TMEM67: variants seen among roughly 807,000 people sequenced by gnomAD.
TMEM67 encodes transmembrane protein 67.
Under a neutral mutation model 136.6 loss-of-function variants are expected in TMEM67, and 124 were observed. That is an observed-to-expected ratio of 0.91 (90% CI 0.78 to 1.05). The LOEUF is 1.05. TMEM67 is among the 50% of genes least tolerant of loss of function. The pLI is 0.00. For missense variants in TMEM67, 1,107 were observed against 1,178.4 expected (o/e 0.94, Z 0.89); for synonymous variants, 364 against 390.5 (o/e 0.93, Z 0.80).
At chr8:93,755,751 C>CTTTTTTTTTTTTTTTTTTTTTTTTTTTGT in intron 1 of TMEM67, 27 bp from the exon 2 acceptor site, 2 of 632,468 alleles carry the variant, frequency 3.2e-6, no homozygotes, top group South Asian at 4.4e-5. Flanking sequence ...ATAAAATTGG[C>CTTTTTTTTTTTTTTTTTTTTTTTTTTTGT]TTTTTTTTTT....
Position 93,790,843 on chromosome 8 carries a change from T to C in TMEM67, c.1519-420T>C, listed in dbSNP as rs572275364. On this transcript the variant is annotated intron_variant, in intron 14 of 27. Transcript: ENST00000453321. ...TCTTCTCTGACCCTTTACTAGGTTC[T>C]TCTTTCTCTTGTCTCTTAATGTAGT... Among the ~76,000 whole-genome samples, 126 of 152,328 alleles carry C rather than the reference T, an allele frequency of 8.3e-4. No homozygotes were observed. In the South Asian group the frequency reaches 8.7e-3, roughly 11 times the overall value.
At chr8:93,773,598 A>G (rs1813413871) in intron 7 of TMEM67, among the ~76,000 whole-genome samples, 1 of 152,248 alleles carries the variant, frequency 6.6e-6, no homozygotes, top group Non-Finnish European at 1.5e-5. Context: ...TGAGCTGGAT[A>G]AGGGGCAAGA....
At chr8:93,826,680 TC>T in the TMEM67 span, among the ~76,000 whole-genome samples, 1 of 152,206 alleles carries the variant, frequency 6.6e-6, no homozygotes, top group Non-Finnish European at 1.5e-5. Context: ...GATCTCTAAG[TC>T]CTCTTCTTTC....
chr8:93,830,005 G>C, the TMEM67 span, among the ~76,000 whole-genome samples: 1 of 152,144 alleles, frequency 6.6e-6, no homozygotes, highest in African/African-American at 2.4e-5. Context: ...CATTTCAGAA[G>C]GGGTCCTGCC....
chr8:93,789,665 TA>T lies in TMEM67; in HGVS notation c.1519-1597del, dbSNP rs1317740832. Among the ~76,000 whole-genome samples the T allele has an allele frequency of 9.2e-3, 276 of 29,878 alleles. 1 individual carries two copies. In the East Asian group the frequency reaches 0.11, roughly 12 times the overall value. 19.6% of individuals were successfully genotyped at this position (29,878 alleles called of 152,430 possible). On this transcript the variant is annotated intron_variant, in intron 14 of 27. Coordinates refer to ENST00000453321, the MANE Select transcript of TMEM67 (RefSeq NM_153704.6). ...TGTCTCAAAAAAATATATATATATA[TA>T]TATATTTTTTTTTTAATGTAAAACA...
intron 3 of TMEM67, among the ~76,000 whole-genome samples, chr8:93,763,386 AC>A (rs1812935416): frequency 6.6e-6 from 1 of 152,224 alleles, no homozygotes; most frequent in Non-Finnish European, 1.5e-5. Flanking sequence ...GTATCTAAAA[AC>A]AAAATTGTGG....
chr8:93,816,319 A>C, intron 27 of TMEM67, 53 bp from the exon 28 acceptor site: 1 of 836,736 alleles, frequency 1.2e-6, no homozygotes, highest in South Asian at 1.7e-5. Flanking sequence ...ATCGACGTGC[A>C]TATTTAATTC....
chr8:93,809,864 T>A lies in TMEM67; in HGVS notation c.2741T>A (p.Met914Lys). 1.2e-6 allele frequency: 2 copies of A among 1,606,832 alleles called. No individual in the cohort carries two copies. The highest frequency in any genetic ancestry group is 2.2e-5 in the South Asian group (2 of 90,652). ...RILGMEFMEP[M>K]EKSIFYNDEG... ...CTTGGAATGGAATTCATGGAACCAA[T>A]GGAAAAAAGCATCTTTTACAATGGT... is the stretch of plus-strand genomic sequence containing the variant. Residue 914 changes from methionine (M) to lysine (K), a missense_variant, in exon 26 of 28, where the codon ATG (methionine) becomes AAG (lysine). Coordinates refer to ENST00000453321, the MANE Select transcript of TMEM67 (RefSeq NM_153704.6).
chr8:93,781,462 T>C (rs1461666619), intron 9 of TMEM67, among the ~76,000 whole-genome samples, 196 bp from the exon 10 acceptor site: 1 of 152,098 alleles, frequency 6.6e-6, no homozygotes, highest in Non-Finnish European at 1.5e-5. Context: ...TCTAGAATAA[T>C]AATTTTCATG....
chr8:93,797,950 C>G (rs1252753859), intron 20 of TMEM67, among the ~76,000 whole-genome samples: 1 of 152,222 alleles, frequency 6.6e-6, no homozygotes, highest in Admixed American at 6.5e-5. Flanking sequence ...CCATTGAACT[C>G]CAGCCTGGGC....
chr8:93,781,047 A>G lies in TMEM67; in HGVS notation c.978+65A>G. On this transcript the variant is annotated intron_variant, in intron 9 of 27. Transcript: ENST00000453321. ...GATTTATAATTTTAAAAGGTAATAA[A>G]GTTACAATTCTTGCCTTTTTAGGTT... 7.1e-6 allele frequency: 8 copies of G among 1,131,196 alleles called. No individual in the cohort carries two copies. The Admixed American group carries it at 1.4e-4, about 20-fold the overall frequency. 70.1% of individuals were successfully genotyped at this position (1,131,196 alleles called of 1,614,324 possible).
chr8:93,793,674 C>T (rs1202392147), intron 16 of TMEM67, among the ~76,000 whole-genome samples: 2 of 152,056 alleles, frequency 1.3e-5, no homozygotes, highest in African/African-American at 4.8e-5. Context: ...TGTGAACTGC[C>T]TGTTTATATC....
chr8:93,831,862 C>T, the TMEM67 span, among the ~76,000 whole-genome samples: 1 of 152,178 alleles, frequency 6.6e-6, no homozygotes, highest in Non-Finnish European at 1.5e-5. Context: ...TACCACTTCA[C>T]CTTTCCTTCA....
intron 22 of TMEM67, 121 bp downstream of exon 22, chr8:93,803,805 G>C: frequency 1.5e-6 from 1 of 687,106 alleles, no homozygotes; most frequent in Non-Finnish European, 2.7e-6. Flanking sequence ...ATTTTCCACT[G>C]GTTGTTAATT....
intron 2 of TMEM67, chr8:93,756,734 G>A (rs1414874810): frequency 1.3e-5 from 2 of 152,136 alleles, no homozygotes; most frequent in African/African-American, 2.4e-5. Context: ...TGGTCTCGCA[G>A]CAGATTTCTT....
intron 23 of TMEM67, among the ~76,000 whole-genome samples, chr8:93,805,946 G>C (rs74465316): frequency 0.021 from 3,139 of 152,210 alleles, 99 homozygotes; most frequent in African/African-American, 0.071. Context: ...TGATGCAGTA[G>C]GAAGTATATA....
intron 6 of TMEM67, among the ~76,000 whole-genome samples, chr8:93,770,440 CT>C (rs973783106): frequency 1.3e-5 from 2 of 152,086 alleles, no homozygotes; most frequent in African/African-American, 4.8e-5. Flanking sequence ...CAAAAATGTT[CT>C]TTATTCTCCC....
At chr8:93,807,546 TA>T in intron 23 of TMEM67, among the ~76,000 whole-genome samples, 1 of 152,072 alleles carries the variant, frequency 6.6e-6, no homozygotes, top group Non-Finnish European at 1.5e-5. Flanking sequence ...ACATGCCTTA[TA>T]AAAAATACTG....
chr8:93,828,047 A>G, the TMEM67 span, among the ~76,000 whole-genome samples: 1 of 152,166 alleles, frequency 6.6e-6, no homozygotes, highest in African/African-American at 2.4e-5. Flanking sequence ...GTCTTTGACC[A>G]CTATCTTGAG....
Sources: allele counts gnomAD v4.1 joint callset (sites outside exome capture counted in the v4.1 genomes callset), GRCh38; gene constraint gnomAD v4.1.1; transcripts MANE v1.5; gene names NCBI Gene and HGNC (gene_info 2026-07-23, HGNC 2026-07-21).